Variants in JAM3 observed in about 807,000 individuals in gnomAD.
JAM3 encodes junctional adhesion molecule C.
JAM3 carries 31 observed loss-of-function variants against 39.4 expected under a neutral mutation model. That is an observed-to-expected ratio of 0.79 (90% confidence interval 0.59 to 1.06). JAM3 has a LOEUF of 1.06. JAM3 is among the 50% of genes least tolerant of loss of function. The probability of loss-of-function intolerance (pLI) is 0.00; values close to 1 mark genes in which losing one functional copy is unlikely to be tolerated. For missense variants in JAM3, 455 were observed against 391.4 expected, an observed-to-expected ratio of 1.16 and a Z score of -1.37; for synonymous variants, 182 against 148.7, an observed-to-expected ratio of 1.22 and a Z score of -1.63.
chr11:134,114,772 C>A (rs191059165), intron 1 of JAM3, among the ~76,000 whole-genome samples: 1 of 152,240 alleles, frequency 6.6e-6, no homozygotes, highest in East Asian at 1.9e-4. Flanking sequence ...GGAATATGGT[C>A]TACCTTGGTA....
intron 1 of JAM3, among the ~76,000 whole-genome samples, chr11:134,096,818 C>T (rs76781792): frequency 0.025 from 3,815 of 152,218 alleles, 72 homozygotes; most frequent in Non-Finnish European, 0.037. Context: ...CAGAATTATT[C>T]TTTACCTATG....
At chr11:134,090,010 G>A (rs1270984042) in intron 1 of JAM3, among the ~76,000 whole-genome samples, 1 of 152,174 alleles carries the variant, frequency 6.6e-6, no homozygotes, top group Non-Finnish European at 1.5e-5. Flanking sequence ...TCTAACTGGT[G>A]TGAGATGGTA....
intron 1 of JAM3, among the ~76,000 whole-genome samples, chr11:134,088,648 C>T (rs1284030887): frequency 1.3e-5 from 2 of 152,098 alleles, no homozygotes; most frequent in African/African-American, 4.8e-5. Flanking sequence ...AAATCACTAG[C>T]AATAGAACAA....
intron 1 of JAM3, among the ~76,000 whole-genome samples, chr11:134,106,283 TG>T (rs1942184136): frequency 6.6e-6 from 1 of 152,056 alleles, no homozygotes; most frequent in African/African-American, 2.4e-5. Flanking sequence ...CTGGGAAAAC[TG>T]GCTAGCCATA....
intron 1 of JAM3, among the ~76,000 whole-genome samples, chr11:134,108,892 A>G (rs1249980073): frequency 1.3e-5 from 2 of 152,198 alleles, no homozygotes; most frequent in African/African-American, 4.8e-5. Flanking sequence ...GATAAACAAT[A>G]TCCATGAAAA....
intron 1 of JAM3, among the ~76,000 whole-genome samples, chr11:134,121,287 A>C (rs1028451873): frequency 8.5e-5 from 13 of 152,242 alleles, no homozygotes; most frequent in African/African-American, 3.1e-4. Context: ...CTGAAATAAG[A>C]AACTGCAGTT....
At chr11:134,146,783 T>C (rs1391431246) in intron 6 of JAM3, among the ~76,000 whole-genome samples, 1 of 152,186 alleles carries the variant, frequency 6.6e-6, no homozygotes, top group Admixed American at 6.5e-5. Flanking sequence ...CAGGCTGGTC[T>C]CAAACTCCTG....
chr11:134,079,688 C>A (rs934712505), intron 1 of JAM3, among the ~76,000 whole-genome samples: 7 of 152,200 alleles, frequency 4.6e-5, no homozygotes, highest in Non-Finnish European at 1.0e-4. Context: ...ACACTACCAC[C>A]AAAACATCCA....
At chr11:134,124,268 G>T in intron 1 of JAM3, 1 of 1,008,644 alleles carries the variant, frequency 9.9e-7, no homozygotes, top group Admixed American at 1.7e-5. Context: ...TGGTAGGGTT[G>T]TGAGTTACAA....
intron 1 of JAM3, among the ~76,000 whole-genome samples, chr11:134,075,356 G>T (rs943286712): frequency 6.6e-6 from 1 of 152,166 alleles, no homozygotes; most frequent in Non-Finnish European, 1.5e-5. Context: ...TGGGAAAGTG[G>T]AGGAAATAAT....
chr11:134,106,098 A>T (rs1942180004), intron 1 of JAM3, among the ~76,000 whole-genome samples: 1 of 152,210 alleles, frequency 6.6e-6, no homozygotes, highest in South Asian at 2.1e-4. Context: ...ACTTCAAACT[A>T]TACTACAAGG....
At chr11:134,137,118 A>C (rs953542189) in intron 1 of JAM3, among the ~76,000 whole-genome samples, 5 of 148,196 alleles carry the variant, frequency 3.4e-5, no homozygotes, top group African/African-American at 1.3e-4. Flanking sequence ...GTCTCAAAAA[A>C]AAAAAAAAAG....
At chr11:134,117,664 CTTG>C (rs1355528341) in intron 1 of JAM3, among the ~76,000 whole-genome samples, 1 of 152,180 alleles carries the variant, frequency 6.6e-6, no homozygotes, top group African/African-American at 2.4e-5. Flanking sequence ...TATGTTTCCT[CTTG>C]TTGATATGAC....
At chr11:134,125,219 C>A (rs1012575954) in intron 1 of JAM3, among the ~76,000 whole-genome samples, 2 of 152,198 alleles carry the variant, frequency 1.3e-5, no homozygotes, top group African/African-American at 4.8e-5. Flanking sequence ...AGCTCCCGCC[C>A]CCTCTTCTCT....
chr11:134,140,600 C>G (rs1466494755), intron 2 of JAM3, 57 bp from the exon 3 acceptor site: 1 of 1,405,004 alleles, frequency 7.1e-7, no homozygotes, highest in South Asian at 1.2e-5. Context: ...CTGGGTGCAG[C>G]TGAACGTAGA....
At chr11:134,097,706 C>T (rs1334684923) in intron 1 of JAM3, among the ~76,000 whole-genome samples, 1 of 152,076 alleles carries the variant, frequency 6.6e-6, no homozygotes, top group East Asian at 1.9e-4. Context: ...GTATTTCTGA[C>T]CAAATAATGT....
chr11:134,112,276 C>T (rs997315789), intron 1 of JAM3, among the ~76,000 whole-genome samples: 15 of 152,124 alleles, frequency 9.9e-5, no homozygotes, highest in East Asian at 1.9e-4. Flanking sequence ...TTAGTAGAGA[C>T]GGGGTTTAAC....
At chr11:134,137,295 A>G (rs2120841898) in intron 1 of JAM3, among the ~76,000 whole-genome samples, 1 of 152,320 alleles carries the variant, frequency 6.6e-6, no homozygotes, top group South Asian at 2.1e-4. Context: ...ACGAAAATTA[A>G]ACACCATTTA....
chr11:134,125,162 C>CGGCCGG (rs1279192415), intron 1 of JAM3, among the ~76,000 whole-genome samples: 20 of 152,338 alleles, frequency 1.3e-4, no homozygotes, highest in Admixed American at 1.0e-3. Context: ...GGCTACAGCC[C>CGGCCGG]GGCCGATCGT....
Sources: gnomAD v4.1 joint callset for allele counts (sites outside exome capture counted in the v4.1 genomes callset) on GRCh38, gnomAD v4.1.1 for gene constraint, MANE v1.5 for transcripts, NCBI Gene and HGNC (gene_info 2026-07-23, HGNC 2026-07-21) for gene names.